The following AP3S2 variants were observed in gnomAD, a reference collection of about 807,000 sequenced individuals.
AP3S2 encodes AP-3 complex subunit sigma-2.
AP3S2 carries 22 observed loss-of-function variants against 23.4 expected under a neutral mutation model. The observed-to-expected ratio is 0.94, with a 90% confidence interval of 0.67 to 1.34. The LOEUF (loss-of-function observed/expected upper bound fraction) is 1.34, where lower values mean the gene tolerates loss of function less well. AP3S2 is among the 40% of genes most tolerant of loss of function. The probability of loss-of-function intolerance (pLI) is 0.00; values close to 1 mark genes in which losing one functional copy is unlikely to be tolerated. For synonymous variants in AP3S2, 86 were observed against 87.1 expected (o/e 0.99, Z 0.07); for missense variants, 241 against 236.9 (o/e 1.02, Z -0.11).
intron 4 of AP3S2, among the ~76,000 whole-genome samples, chr15:89,841,359 G>C (rs1386465399): frequency 6.6e-6 from 1 of 152,122 alleles, no homozygotes; most frequent in African/African-American, 2.4e-5. Context: ...TCAAAAGCAG[G>C]GAGCTCAGGC....
chr15:89,868,113 A>G (rs1297540686), intron 4 of AP3S2, among the ~76,000 whole-genome samples: 109 of 65,200 alleles, frequency 1.7e-3, no homozygotes, highest in Middle Eastern at 0.013. Context: ...CGGGAGGGAG[A>G]TGGGGGGGTC....
rs890025917 is a variant in AP3S2 at position 89,833,115 on chromosome 15, C to T, written c.*2400G>A. The stretch of plus-strand genomic sequence containing the variant: ...TGTCCTGCAGTAATGCATTAAACCA[C>T]GTAACAAACGAACTCAAGAAGAGGG... On this transcript the variant is annotated 3_prime_UTR_variant, in exon 6 of 6. Transcript: ENST00000336418. 6.6e-6 allele frequency: 1 copy of T among 152,208 alleles called. No individual in the cohort carries two copies. Among genetic ancestry groups the T allele is most frequent in the Non-Finnish European group, 1.5e-5 (1 of 68,046 alleles). The allele number at this position is 152,208 out of a possible 1,614,324, so 9.4% of individuals were successfully genotyped here. A position where few individuals can be genotyped will look rare whatever the true frequency, so the allele number is the denominator to read the frequency against.
chr15:89,858,296 C>T (rs1441879985), intron 4 of AP3S2, among the ~76,000 whole-genome samples: 1 of 151,776 alleles, frequency 6.6e-6, no homozygotes, highest in Non-Finnish European at 1.5e-5. Flanking sequence ...ACAAAACTAG[C>T]CGGGTGTGGT....
At chr15:89,870,052 ATAT>A (rs1283135346) in intron 4 of AP3S2, among the ~76,000 whole-genome samples, 1 of 152,100 alleles carries the variant, frequency 6.6e-6, no homozygotes, top group Non-Finnish European at 1.5e-5. Flanking sequence ...GTATTTAACA[ATAT>A]TATTTTAAAA....
At chr15:89,861,234 T>C (rs1032902893) in intron 4 of AP3S2, among the ~76,000 whole-genome samples, 6 of 152,200 alleles carry the variant, frequency 3.9e-5, no homozygotes, top group Non-Finnish European at 7.4e-5. Context: ...TATGAGGTTT[T>C]CTTGGGTTCA....
chr15:89,884,792 G>A (rs558495085), intron 3 of AP3S2, among the ~76,000 whole-genome samples: 3 of 152,032 alleles, frequency 2.0e-5, no homozygotes, highest in South Asian at 2.1e-4. Context: ...GACTACAGGC[G>A]CATGCCACCA....
intron 2 of AP3S2, 70 bp downstream of exon 2, chr15:89,888,979 T>C: frequency 6.3e-7 from 1 of 1,582,478 alleles, no homozygotes; most frequent in Non-Finnish European, 8.7e-7. Context: ...TTGAGTACTG[T>C]CAGAAGATGC....
intron 4 of AP3S2, among the ~76,000 whole-genome samples, chr15:89,862,287 T>C (rs575437505): frequency 5.3e-5 from 8 of 152,320 alleles, no homozygotes; most frequent in East Asian, 3.9e-4. Flanking sequence ...TCTGGGACAA[T>C]TGGGAAACTT....
intron 3 of AP3S2, among the ~76,000 whole-genome samples, chr15:89,873,462 T>C (rs999252438): frequency 4.6e-5 from 7 of 152,072 alleles, no homozygotes; most frequent in Non-Finnish European, 8.8e-5. Context: ...TTTTTGTATT[T>C]TTAGTAGAGA....
intron 3 of AP3S2, among the ~76,000 whole-genome samples, chr15:89,882,510 C>T (rs1896596083): frequency 6.6e-6 from 1 of 151,994 alleles, no homozygotes; most frequent in Non-Finnish European, 1.5e-5. Context: ...CATGTGCCAC[C>T]ACACTCGGCT....
intron 3 of AP3S2, among the ~76,000 whole-genome samples, chr15:89,887,497 G>A (rs998268686): frequency 1.1e-4 from 17 of 151,360 alleles, no homozygotes; most frequent in South Asian, 2.1e-4. Flanking sequence ...CCAGCCTCCC[G>A]AGTAGCTGGG....
At chr15:89,858,467 GAAAGAAAGAAAGAAAGAAAGAAAGAA>G (rs1340085132) in intron 4 of AP3S2, among the ~76,000 whole-genome samples, 55 of 34,214 alleles carry the variant, frequency 1.6e-3, no homozygotes, top group African/African-American at 3.4e-3. Context: ...AAGAAAGAAA[GAAAGAAAGAAAGAAAGAAAGAAAGAA>G]AGAGAGAGAG....
chr15:89,842,035 C>T (rs922531302), intron 4 of AP3S2, among the ~76,000 whole-genome samples: 1 of 151,958 alleles, frequency 6.6e-6, no homozygotes, highest in Non-Finnish European at 1.5e-5. Flanking sequence ...AATACAAGAA[C>T]TTTAGCAGAG....
chr15:89,867,166 G>A (rs28368528), intron 4 of AP3S2, among the ~76,000 whole-genome samples: 16 of 142,512 alleles, frequency 1.1e-4, no homozygotes, highest in South Asian at 1.0e-3. Flanking sequence ...GCGATTGCAG[G>A]CACGCGCCGC....
Position 89,889,150 on chromosome 15 carries a change from A to G in AP3S2, c.70-10T>C. 6.2e-7 allele frequency: 1 copy of G among 1,614,160 alleles called. No individual in the cohort carries two copies. The highest frequency in any genetic ancestry group is 1.1e-5 in the South Asian group (1 of 91,080). ...GTTGAATTTCTTCTGGCTATGAAAC[A>G]AAAAGATAAGTGAATCAGTGGGCAA... On this transcript the variant is annotated splice_polypyrimidine_tract_variant and intron_variant, in intron 1 of 5. Transcript: ENST00000336418.
intron 3 of AP3S2, among the ~76,000 whole-genome samples, chr15:89,880,480 C>T (rs1341455290): frequency 6.6e-6 from 1 of 152,040 alleles, no homozygotes; most frequent in Non-Finnish European, 1.5e-5. Context: ...TGAGACCAGC[C>T]TGGTCAACAT....
At chr15:89,844,261 TTCTTTCTTTCTC>T (rs748479218) in intron 4 of AP3S2, among the ~76,000 whole-genome samples, 9,669 of 30,670 alleles carry the variant, frequency 0.32, 481 homozygotes, top group Admixed American at 0.42. Flanking sequence ...CTTTCTTTCT[TTCTTTCTTTCTC>T]TCTCTCTCTC....
At chr15:89,844,253 TTCTTTCTTTCTTTCTTTC>T (rs1331183758) in intron 4 of AP3S2, among the ~76,000 whole-genome samples, 31 of 52,470 alleles carry the variant, frequency 5.9e-4, no homozygotes, top group African/African-American at 1.6e-3. Context: ...CTTTCTTTCT[TTCTTTCTTTCTTTCTTTC>T]TCTCTCTCTC....
intron 4 of AP3S2, chr15:89,865,811 C>A (rs1275606462): frequency 6.6e-6 from 1 of 152,172 alleles, no homozygotes; most frequent in Non-Finnish European, 1.5e-5. Flanking sequence ...CAATCTAATT[C>A]CATCAGTCAT....
Sources: gnomAD v4.1 joint callset for allele counts (sites outside exome capture counted in the v4.1 genomes callset) on GRCh38, gnomAD v4.1.1 for gene constraint, MANE v1.5 for transcripts, NCBI Gene and HGNC (gene_info 2026-07-23, HGNC 2026-07-21) for gene names.